The following PIF1 variants were observed in gnomAD, a reference collection of about 807,000 sequenced individuals.
The protein encoded by PIF1 is PIF1 5'-to-3' DNA helicase.
In PIF1, 67 loss-of-function variants were observed where a neutral mutation model predicts 62.3. That is an observed-to-expected ratio of 1.08 (90% confidence interval 0.88 to 1.32). PIF1 has a LOEUF of 1.32. PIF1 is among the 40% of genes most tolerant of loss of function. PIF1 has a pLI of 0.00. For missense variants in PIF1, 886 were observed against 866.1 expected (o/e 1.02, Z -0.29); for synonymous variants, 364 against 379.5 (o/e 0.96, Z 0.47).
intron 2 of PIF1, chr15:64,823,542 G>A: frequency 2.7e-6 from 1 of 367,528 alleles, no homozygotes; most frequent in East Asian, 4.0e-5. Flanking sequence ...ACCATGCCCG[G>A]CCTCTGCTTT....
chr15:64,818,767 A>T (rs2084235025), intron 9 of PIF1: 1 of 299,522 alleles, frequency 3.3e-6, no homozygotes, highest in South Asian at 5.5e-5. Flanking sequence ...CACCCCCAAC[A>T]TTGAGGGAGG....
At position 64,821,274 on chromosome 15, in the gene PIF1, G is replaced by A. The variant is rs200881596; in HGVS notation, c.979C>T (p.Arg327Trp). 1.0e-4 allele frequency: 165 copies of A among 1,614,164 alleles called. No homozygotes were observed. The highest frequency in any genetic ancestry group is 3.3e-4 in the Middle Eastern group (2 of 6,062). ...DKLEAVARAV[R>W]QQNKPFGGIQ... is the part of the protein sequence containing the mutation. The stretch of plus-strand genomic sequence containing the variant: ...CCTCCGAATGGCTTGTTCTGCTGCC[G>A]GACAGCTCTGGAGAGGAGCGTGGGG... Residue 327 changes from arginine to tryptophan, a missense_variant, in exon 6 of 13, where the codon CGG becomes TGG. Transcript: ENST00000559239.
intron 11 of PIF1, 59 bp downstream of exon 11, chr15:64,817,887 T>G (rs1239882560): frequency 1.9e-6 from 3 of 1,549,516 alleles, no homozygotes; most frequent in Non-Finnish European, 2.6e-6. Context: ...ACACATAGAC[T>G]GCAACATGCC....
In PIF1 at chr15:64,824,142, C is replaced by A; in HGVS notation, c.194G>T (p.Arg65Leu). The A allele has an allele frequency of 1.5e-6, 2 of 1,290,686 alleles. No individual in the cohort carries two copies. Among genetic ancestry groups the A allele is most frequent in the South Asian group, 2.4e-5 (1 of 41,210 alleles). The allele number at this position is 1,290,686 out of a possible 1,614,324, so 80.0% of individuals were successfully genotyped here. Residue 65 changes from arginine (R) to leucine (L), a missense_variant, in exon 2 of 13, where the codon CGG becomes CTG. Arg to Leu is a moderately radical substitution (Grantham distance 102). Coordinates refer to ENST00000559239, the MANE Select transcript of PIF1 (RefSeq NM_001286496.2). ...GGCGCGCAGAGGAAAGCAGCGCGGC[C>A]GCCCCGCGGGCCCTGGCGCTTGCAG... ...LRLQAPGPAG[R>L]PRCFPLRAAR...
At chr15:64,824,433 T>C in intron 1 of PIF1, 79 bp from the exon 2 acceptor site, 4 of 1,018,706 alleles carry the variant, frequency 3.9e-6, no homozygotes, top group Non-Finnish European at 5.0e-6. Context: ...ATGGGTGCTA[T>C]AAAGGACGTG....
At chr15:64,825,429 G>T (rs1007393430) in intron 1 of PIF1, 140 bp downstream of exon 1, 1 of 152,134 alleles carries the variant, frequency 6.6e-6, no homozygotes, top group Non-Finnish European at 1.5e-5. Context: ...CCACCAAGGT[G>T]GGGACGAGGT....
In PIF1 at chr15:64,818,274, A is replaced by G; in HGVS notation, c.1511T>C (p.Phe504Ser). The G allele has an allele frequency of 6.2e-7, 1 of 1,614,078 alleles. No homozygotes were observed. The highest frequency in any genetic ancestry group is 1.3e-5 in the African/African-American group (1 of 75,010). Residue 504 changes from phenylalanine (F) to serine (S), a missense_variant, in exon 10 of 13, where the codon TTC becomes TCC. Coordinates refer to ENST00000559239, the MANE Select transcript of PIF1 (RefSeq NM_001286496.2). ...ACACTTACCTCTCCCTTCTGCCTCG[A>G]ACCCAACTACCACCCCTCGGGCACC... ...VNGARGVVVG[F>S]EAEGRGLPQV...
intron 4 of PIF1, 193 bp downstream of exon 4, chr15:64,822,073 C>A: frequency 4.5e-6 from 3 of 662,126 alleles, no homozygotes; most frequent in African/African-American, 3.7e-5. Context: ...ACAGGGTTTA[C>A]TGTGTTGGCC....
rs769005965 is a variant in PIF1 at position 64,819,838 on chromosome 15, C to T, written c.1333+9G>A. On this transcript the variant is annotated intron_variant, in intron 8 of 12. Coordinates refer to ENST00000559239, the MANE Select transcript of PIF1 (RefSeq NM_001286496.2). ...AGCTGGTCTTGCCCAGCCCAGGCTC[C>T]CTGCTCACCTGGCAGCTCCTGAAGC... 6.2e-7 allele frequency: 1 copy of T among 1,612,364 alleles called. No individual in the cohort carries two copies. Among genetic ancestry groups the T allele is most frequent in the South Asian group, 1.1e-5 (1 of 91,076 alleles).
intron 11 of PIF1, 127 bp from the exon 12 acceptor site, chr15:64,816,892 AGAGG>A: frequency 2.4e-6 from 2 of 848,116 alleles, no homozygotes; most frequent in South Asian, 4.5e-5. Flanking sequence ...GTCTCTAGAC[AGAGG>A]GAGAGCATGA....
At chr15:64,822,447 T>C (rs1213682544) in intron 3 of PIF1, 31 bp downstream of exon 3, 13 of 1,609,610 alleles carry the variant, frequency 8.1e-6, no homozygotes, top group Non-Finnish European at 1.1e-5. Flanking sequence ...ACCCCACCAC[T>C]GTCCCCCTAC....
Position 64,823,778 on chromosome 15 carries a change from T to C in PIF1, c.558A>G (p.Thr186=). The part of the protein sequence containing the change: ...VEPQAGAEPS[T]EAPRWPLPVK... ...GGTGTCCCTTCTTTCCCGTCCTCAC[T>C]GTGCTAGGCTCGGCCCCAGCCTGGG... Residue 186 remains threonine (T), a splice_region_variant and synonymous_variant, in exon 2 of 13, where the codon ACA becomes ACG. Coordinates refer to ENST00000559239, the MANE Select transcript of PIF1 (RefSeq NM_001286496.2). 8 of 1,321,126 alleles carry C rather than the reference T, an allele frequency of 6.1e-6. No homozygotes were observed. Among genetic ancestry groups the C allele is most frequent in the Non-Finnish European group, 6.8e-6 (7 of 1,025,370 alleles). 81.8% of individuals were successfully genotyped at this position (1,321,126 alleles called of 1,614,324 possible). A position where few individuals can be genotyped will look rare whatever the true frequency, so the allele number is the denominator to read the frequency against.
chr15:64,817,950 C>T lies in PIF1; in HGVS notation c.1670G>A (p.Ser557Asn), dbSNP rs1444199792. 6.2e-7 allele frequency: 1 copy of T among 1,610,966 alleles called. No individual in the cohort carries two copies. Among genetic ancestry groups the T allele is most frequent in the South Asian group, 1.1e-5 (1 of 90,962 alleles). Reference protein sequence around the residue: ...QLAWAMSIHKSQGMTLDCVEI... With the variant: ...QLAWAMSIHKNQGMTLDCVEI... ...GCCCCCCACACCGGTGCTCACTTGG[C>T]TCTTGTGGATGGACATCGCCCAGGC... is the stretch of plus-strand genomic sequence containing the variant. Residue 557 changes from serine to asparagine, a missense_variant, in exon 11 of 13, where the codon AGC becomes AAC. Transcript: ENST00000559239.
chr15:64,823,768 C>G lies in PIF1; in HGVS notation c.558+10G>C, dbSNP rs747879567. The G allele has an allele frequency of 4.4e-5, 58 of 1,316,162 alleles. No individual in the cohort carries two copies. Among genetic ancestry groups the G allele is most frequent in the Non-Finnish European group, 5.6e-5 (57 of 1,023,256 alleles). 81.5% of individuals were successfully genotyped at this position (1,316,162 alleles called of 1,614,324 possible). A position where few individuals can be genotyped will look rare whatever the true frequency, so the allele number is the denominator to read the frequency against. On this transcript the variant is annotated intron_variant, in intron 2 of 12. Transcript: ENST00000559239. ...TACTCCTAAAGGTGTCCCTTCTTTC[C>G]CGTCCTCACTGTGCTAGGCTCGGCC... is the stretch of plus-strand genomic sequence containing the variant.
At chr15:64,817,679 A>G (rs912868911) in intron 11 of PIF1, among the ~76,000 whole-genome samples, 3 of 149,552 alleles carry the variant, frequency 2.0e-5, no homozygotes, top group Non-Finnish European at 3.0e-5. Flanking sequence ...CTGGCCAACA[A>G]AGTGAAACCT....
rs1396976965 is a variant in PIF1 at position 64,821,525 on chromosome 15, G to A, written c.818-5C>T. 1.3e-6 allele frequency: 2 copies of A among 1,587,004 alleles called. No homozygotes were observed. Among genetic ancestry groups the A allele is most frequent in the Non-Finnish European group, 1.7e-6 (2 of 1,166,790 alleles). ...GAGCCTGGCCTGAGCCGATGCCTGT[G>A]AGTGACACTATTCAGCCTGGGCTAA... On this transcript the variant is annotated splice_region_variant and splice_polypyrimidine_tract_variant and intron_variant, in intron 4 of 12. Coordinates refer to ENST00000559239, the MANE Select transcript of PIF1 (RefSeq NM_001286496.2).
rs1277557424 is a variant in PIF1 at position 64,825,594 on chromosome 15, T to A, written c.-45A>T. The A allele has an allele frequency of 6.6e-6, 1 of 152,174 alleles. No individual in the cohort carries two copies. The highest frequency in any genetic ancestry group is 2.4e-5 in the African/African-American group (1 of 41,448). The allele number at this position is 152,174 out of a possible 1,614,324, so 9.4% of individuals were successfully genotyped here. A position where few individuals can be genotyped will look rare whatever the true frequency, so the allele number is the denominator to read the frequency against. ...CTCTGGGTTCGGGCAGACACTCACTTGTGCCGACACTCAGATGAACAAGCA... is the reference window on the plus strand; with the variant it reads ...CTCTGGGTTCGGGCAGACACTCACTAGTGCCGACACTCAGATGAACAAGCA... On this transcript the variant is annotated 5_prime_UTR_variant, in exon 1 of 13. Coordinates refer to ENST00000559239, the MANE Select transcript of PIF1 (RefSeq NM_001286496.2).
chr15:64,823,940 C>T lies in PIF1; in HGVS notation c.396G>A (p.Pro132=). 2 of 1,312,290 alleles carry T rather than the reference C, an allele frequency of 1.5e-6. No individual in the cohort carries two copies. The highest frequency in any genetic ancestry group is 1.9e-6 in the Non-Finnish European group (2 of 1,026,564). The allele number at this position is 1,312,290 out of a possible 1,614,324, so 81.3% of individuals were successfully genotyped here. The change falls in exon 2 of 13, where the codon CCG becomes CCA. Residue 132 remains proline (P), a synonymous_variant. Coordinates refer to ENST00000559239, the MANE Select transcript of PIF1 (RefSeq NM_001286496.2). Reference sequence around the variant, plus strand: ...CCAGCAGCTGCGCTCGGGCGGAGGCCGGCCCGGGACCCGGGGCCGCAGCCA... The same window carrying T: ...CCAGCAGCTGCGCTCGGGCGGAGGCTGGCCCGGGACCCGGGGCCGCAGCCA... The part of the protein sequence containing the change: ...LKLAAAPGPG[P]ASARAQLLGP...
rs774600030 is a variant in PIF1 at position 64,820,001 on chromosome 15, C to A, written c.1194-15G>T. Reference sequence around the variant, plus strand: ...CATCTGAACACCTGTTGGGGCTGGACTGTCAGGGCAGAGCCCACCTGTGCA... The same window carrying A: ...CATCTGAACACCTGTTGGGGCTGGAATGTCAGGGCAGAGCCCACCTGTGCA... On this transcript the variant is annotated splice_polypyrimidine_tract_variant and intron_variant, in intron 7 of 12. Coordinates refer to ENST00000559239, the MANE Select transcript of PIF1 (RefSeq NM_001286496.2). 1 of 1,611,214 alleles carries A rather than the reference C, an allele frequency of 6.2e-7. No homozygotes were observed. Among genetic ancestry groups the A allele is most frequent in the Non-Finnish European group, 8.5e-7 (1 of 1,178,610 alleles).
Sources: allele counts gnomAD v4.1 joint callset (sites outside exome capture counted in the v4.1 genomes callset), GRCh38; gene constraint gnomAD v4.1.1; transcripts MANE v1.5; gene names NCBI Gene and HGNC (gene_info 2026-07-23, HGNC 2026-07-21).